Variants in MED13 observed in about 807,000 individuals in gnomAD.
MED13 encodes the protein mediator of RNA polymerase II transcription subunit 13.
A neutral mutation model predicts 225.2 loss-of-function variants in MED13; 23 were observed. The ratio of observed to expected loss-of-function variants is 0.10; its 90% CI spans 0.07 to 0.14. The LOEUF is 0.14. Among genes scored for constraint, MED13 ranks in the 10% least tolerant of loss-of-function variants. The pLI, the probability that MED13 is intolerant of heterozygous loss-of-function variation, is 1.00. For synonymous variants in MED13, 942 were observed against 889.2 expected, an observed-to-expected ratio of 1.06 and a Z score of -1.06; for missense variants, 2,197 against 2,594.5, an observed-to-expected ratio of 0.85 and a Z score of 3.33.
chr17:62,022,165 C>CAAAA lies in MED13; in HGVS notation c.1283+7372_1283+7375dup, dbSNP rs35035293. On this transcript the variant is annotated intron_variant, in intron 8 of 29. Coordinates refer to ENST00000397786, the MANE Select transcript of MED13 (RefSeq NM_005121.3). ...CCTGGGCAACAGAGCAAGACTGTCT[C>CAAAA]AAAAAAAAAATATATATATATATAT... 2.3e-3 allele frequency among the ~76,000 whole-genome samples: 311 copies of CAAAA among 133,792 alleles called. 2 individuals are homozygous for CAAAA. The highest frequency in any genetic ancestry group is 8.3e-3 in the African/African-American group (298 of 35,894). 87.8% of individuals were successfully genotyped at this position (133,792 alleles called of 152,430 possible). A position where few individuals can be genotyped will look rare whatever the true frequency, so the allele number is the denominator to read the frequency against.
chr17:61,961,933 G>A (rs979983595), intron 21 of MED13, among the ~76,000 whole-genome samples, 154 bp from the exon 22 acceptor site: 2 of 152,054 alleles, frequency 1.3e-5, no homozygotes, highest in Non-Finnish European at 2.9e-5. Flanking sequence ...CTATTATGTA[G>A]GCTTTTAATA....
chr17:61,952,230 T>C (rs573665717), intron 27 of MED13, among the ~76,000 whole-genome samples: 1 of 152,290 alleles, frequency 6.6e-6, no homozygotes, highest in Admixed American at 6.5e-5. Context: ...TGTTATTAAC[T>C]GAAGCCCAGT....
At chr17:61,986,914 T>C (rs952860874) in intron 12 of MED13, 93 bp downstream of exon 12, 4 of 761,734 alleles carry the variant, frequency 5.3e-6, no homozygotes, top group African/African-American at 1.8e-5. Context: ...GGCTAAAACA[T>C]AGTATTAAAC....
At chr17:62,014,701 A>G (rs2080546188) in intron 8 of MED13, among the ~76,000 whole-genome samples, 1 of 152,156 alleles carries the variant, frequency 6.6e-6, no homozygotes, top group South Asian at 2.1e-4. Flanking sequence ...TCTGTCTCTT[A>G]AAAGGCTGGA....
intron 26 of MED13, among the ~76,000 whole-genome samples, chr17:61,954,440 T>A (rs997268034): frequency 5.3e-5 from 8 of 152,138 alleles, no homozygotes; most frequent in African/African-American, 1.9e-4. Context: ...AGCACAAGGG[T>A]AAACCTATAC....
At chr17:62,029,472 T>C in intron 8 of MED13, 69 bp downstream of exon 8, 3 of 1,143,132 alleles carry the variant, frequency 2.6e-6, no homozygotes, top group Non-Finnish European at 3.9e-6. Flanking sequence ...TCAAATAAAG[T>C]GGGCATAAGC....
At position 61,944,046 on chromosome 17, in the gene MED13, A is replaced by G. The variant is rs919587302; in HGVS notation, c.*2422T>C. On this transcript the variant is annotated 3_prime_UTR_variant, in exon 30 of 30. Coordinates refer to ENST00000397786, the MANE Select transcript of MED13 (RefSeq NM_005121.3). ...ACTGAGCTTTTCTAATGGTTATTTA[A>G]TAACTTTCCATTGAGTTTGAATGGA... 5 of 152,612 alleles carry G rather than the reference A, an allele frequency of 3.3e-5. No homozygotes were observed. Among genetic ancestry groups the G allele is most frequent in the African/African-American group, 1.2e-4 (5 of 41,458 alleles). 9.5% of individuals were successfully genotyped at this position (152,612 alleles called of 1,614,324 possible). A position where few individuals can be genotyped will look rare whatever the true frequency, so the allele number is the denominator to read the frequency against.
In MED13 at chr17:61,984,813, A is replaced by G; in HGVS notation, c.2529T>C (p.His843=). The G allele has an allele frequency of 6.2e-7, 1 of 1,613,666 alleles. No homozygotes were observed. The highest frequency in any genetic ancestry group is 1.1e-5 in the South Asian group (1 of 91,050). The change falls in exon 14 of 30, where the codon CAT becomes CAC. Residue 843 remains histidine (H), a synonymous_variant. Transcript: ENST00000397786. The part of the protein sequence containing the change: ...MYPTPPSLEQ[H]IMGFSPMNMN... ...TATTCATTGGGGAAAATCCCATAAT[A>G]TGTTGTTCCAATGATGGTGGTGTAG...
At chr17:62,048,017 CATAT>C in intron 3 of MED13, among the ~76,000 whole-genome samples, 1 of 123,498 alleles carries the variant, frequency 8.1e-6, no homozygotes, top group African/African-American at 3.5e-5. Flanking sequence ...GGTATATATA[CATAT>C]ATACATATAC....
intron 11 of MED13, among the ~76,000 whole-genome samples, chr17:61,990,663 C>A (rs2080290060): frequency 7.1e-6 from 1 of 140,142 alleles, no homozygotes; most frequent in Non-Finnish European, 1.5e-5. Context: ...ACACTCCCCC[C>A]CAAAACATCA....
Position 61,944,812 on chromosome 17 carries a change from G to A in MED13, c.*1656C>T, listed in dbSNP as rs1005383354. The A allele has an allele frequency of 4.6e-5, 7 of 152,576 alleles. No individual in the cohort carries two copies. The highest frequency in any genetic ancestry group is 1.9e-4 in the East Asian group (1 of 5,196). 9.5% of individuals were successfully genotyped at this position (152,576 alleles called of 1,614,324 possible). ...TCCAAGAAAGCTAGGTAGACTCGGC[G>A]ACTGTGAATTCAAGTCAGCAATGCA... is the stretch of plus-strand genomic sequence containing the variant. On this transcript the variant is annotated 3_prime_UTR_variant, in exon 30 of 30. Transcript: ENST00000397786.
Position 61,982,948 on chromosome 17 carries a change from G to T in MED13, c.3055C>A (p.Arg1019=), listed in dbSNP as rs774750862. Residue 1019 remains arginine (R), a synonymous_variant, in exon 16 of 30, where the codon CGG becomes AGG. Coordinates refer to ENST00000397786, the MANE Select transcript of MED13 (RefSeq NM_005121.3). ...FPTPRTPRTP[R]TPRGAGGPAS... is the part of the protein sequence containing the mutation. The stretch of plus-strand genomic sequence containing the variant: ...GGTCCACCAGCTCCACGAGGAGTCC[G>T]AGGAGTCCTTGGAGTCCTTGGAGTT... 2 of 1,613,974 alleles carry T rather than the reference G, an allele frequency of 1.2e-6. No individual in the cohort carries two copies. The highest frequency in any genetic ancestry group is 4.5e-5 in the East Asian group (2 of 44,888).
chr17:61,972,024 T>A (rs1359203422), intron 17 of MED13, among the ~76,000 whole-genome samples: 2 of 152,180 alleles, frequency 1.3e-5, no homozygotes, highest in Non-Finnish European at 2.9e-5. Flanking sequence ...GTAATGAGAT[T>A]TAAATTATTT....
At position 62,064,862 on chromosome 17, in the gene MED13, C is replaced by T. The variant is rs1026165312; in HGVS notation, c.66+278G>A. Among the ~76,000 whole-genome samples, 7 of 152,264 alleles carry T rather than the reference C, an allele frequency of 4.6e-5. No homozygotes were observed. The East Asian group carries it at 1.4e-3, about 29-fold the overall frequency. On this transcript the variant is annotated intron_variant, in intron 1 of 29. Coordinates refer to ENST00000397786, the MANE Select transcript of MED13 (RefSeq NM_005121.3). ...ACAAGAGGGAAAGGTTACTGTCCTG[C>T]CAGATAAGGAGCTCAAGTTGAGGAC...
intron 8 of MED13, among the ~76,000 whole-genome samples, chr17:62,021,408 G>C (rs567871984): frequency 7.0e-6 from 1 of 142,868 alleles, no homozygotes; most frequent in Non-Finnish European, 1.6e-5. Flanking sequence ...GCGGCTGGCC[G>C]GGCAGGGGGC....
intron 3 of MED13, among the ~76,000 whole-genome samples, chr17:62,047,199 C>T (rs376239898): frequency 2.0e-5 from 3 of 152,038 alleles, no homozygotes; most frequent in South Asian, 2.1e-4. Context: ...GGTGAAACCC[C>T]GTCTCTACTA....
intron 3 of MED13, among the ~76,000 whole-genome samples, chr17:62,051,853 G>A (rs549384686): frequency 6.6e-6 from 1 of 152,268 alleles, no homozygotes; most frequent in East Asian, 1.9e-4. Context: ...CTCAATGACT[G>A]CTGGGAACTT....
chr17:61,961,641 A>G lies in MED13; in HGVS notation c.5203T>C (p.Leu1735=). 1.2e-6 allele frequency: 2 copies of G among 1,614,180 alleles called. No individual in the cohort carries two copies. The highest frequency in any genetic ancestry group is 1.6e-4 in the Middle Eastern group (1 of 6,062). The part of the protein sequence containing the change: ...PLPTSTNVKT[L]TGFGPGLAME... ...GCTAAACCTGGACCAAAGCCAGTCA[A>G]TGTTTTCACATTGGTTGATGTTGGA... Residue 1735 remains leucine (L), a synonymous_variant, in exon 22 of 30, where the codon TTG becomes CTG. Transcript: ENST00000397786.
chr17:61,955,222 G>A (rs766406080), intron 26 of MED13, 160 bp downstream of exon 26: 56 of 540,838 alleles, frequency 1.0e-4, no homozygotes, highest in Non-Finnish European at 1.4e-4. Flanking sequence ...GCCCACCTGC[G>A]TAATTGAGGA....
Sources: allele counts gnomAD v4.1 joint callset (sites outside exome capture counted in the v4.1 genomes callset), GRCh38; gene constraint gnomAD v4.1.1; transcripts MANE v1.5; gene names NCBI Gene and HGNC (gene_info 2026-07-23, HGNC 2026-07-21).